The following CFAP53 variants were observed in gnomAD, a reference collection of about 807,000 sequenced individuals.
The protein encoded by CFAP53 is cilia and flagella associated protein 53, also known as cilia- and flagella-associated protein 53.
A neutral mutation model predicts 59.7 loss-of-function variants in CFAP53; 62 were observed. That is an observed-to-expected ratio of 1.04 (90% confidence interval 0.85 to 1.28). The LOEUF (loss-of-function observed/expected upper bound fraction) is 1.28, where lower values mean the gene tolerates loss of function less well. Ranked by LOEUF, CFAP53 falls within the 50% of genes most tolerant of loss-of-function variation. The pLI is 0.00. For missense variants in CFAP53, 629 were observed against 615.6 expected, an observed-to-expected ratio of 1.02 and a Z score of -0.23; for synonymous variants, 218 against 205.7, an observed-to-expected ratio of 1.06 and a Z score of -0.51.
At position 50,227,534 on chromosome 18, in the gene CFAP53, T is replaced by C; in HGVS notation, c.1392A>G (p.Ala464=). 6.2e-7 allele frequency: 1 copy of C among 1,614,248 alleles called. No individual in the cohort carries two copies. The change falls in exon 8 of 8, where the codon GCA becomes GCG. Residue 464 remains alanine, a synonymous_variant. Coordinates refer to ENST00000398545, the MANE Select transcript of CFAP53 (RefSeq NM_145020.5). The part of the protein sequence containing the change: ...QIAYQQQSQE[A]EKEEKRREFE... Reference sequence around the variant, plus strand: ...ACTCTCGGCGTTTCTCTTCCTTCTCTGCTTCTTGGGACTGCTGCTGGTAGG... The same window carrying C: ...ACTCTCGGCGTTTCTCTTCCTTCTCCGCTTCTTGGGACTGCTGCTGGTAGG...
intron 7 of CFAP53, among the ~76,000 whole-genome samples, chr18:50,231,535 G>A (rs538139978): frequency 2.0e-5 from 3 of 152,310 alleles, no homozygotes; most frequent in South Asian, 2.1e-4. Context: ...AAAGGTATCC[G>A]TGTGGAAGCA....
At chr18:50,259,414 T>A (rs1348744719) in intron 3 of CFAP53, among the ~76,000 whole-genome samples, 1 of 143,222 alleles carries the variant, frequency 7.0e-6, no homozygotes, top group Non-Finnish European at 1.5e-5. Flanking sequence ...ACAATTGAAC[T>A]CATGGAGATA....
intron 3 of CFAP53, among the ~76,000 whole-genome samples, chr18:50,259,422 A>G (rs2033871654): frequency 6.9e-6 from 1 of 144,144 alleles, no homozygotes; most frequent in Non-Finnish European, 1.5e-5. Flanking sequence ...ACTCATGGAG[A>G]TAGAGAAGGA....
Position 50,227,955 on chromosome 18 carries a change from C to CTTTTTTTTTTTTTTTTT in CFAP53, c.1317-363_1317-347dup, listed in dbSNP as rs1191228047. Among the ~76,000 whole-genome samples, 4 of 90,090 alleles carry CTTTTTTTTTTTTTTTTT rather than the reference C, an allele frequency of 4.4e-5. 1 individual carries two copies. The highest frequency in any genetic ancestry group is 7.8e-5 in the Non-Finnish European group (4 of 51,456). 59.1% of individuals were successfully genotyped at this position (90,090 alleles called of 152,430 possible). A position where few individuals can be genotyped will look rare whatever the true frequency, so the allele number is the denominator to read the frequency against. On this transcript the variant is annotated intron_variant, in intron 7 of 7. Transcript: ENST00000398545. ...CAAACTGCTCAATTCAACTTTTCTC[C>CTTTTTTTTTTTTTTTTT]TTTTTTTTTTTTTTTTTTTTTTGAG...
In CFAP53 at chr18:50,261,922, A is replaced by G. The variant is rs184587867; in HGVS notation, c.299+68T>C. 2.3e-3 allele frequency: 2,869 copies of G among 1,240,314 alleles called. 14 individuals are homozygous for G. Among genetic ancestry groups the G allele is most frequent in the Non-Finnish European group, 2.5e-3 (2,088 of 849,422 alleles). The allele number at this position is 1,240,314 out of a possible 1,614,324, so 76.8% of individuals were successfully genotyped here. ...TGATCCTTGCTAAATTTGATTTTTG[A>G]CTGGTCAATCTCAAATTGTGGTTTT... On this transcript the variant is annotated intron_variant, in intron 2 of 7. Transcript: ENST00000398545.
intron 7 of CFAP53, among the ~76,000 whole-genome samples, chr18:50,230,377 C>G (rs1463150846): frequency 1.3e-5 from 2 of 152,120 alleles, no homozygotes; most frequent in Admixed American, 1.3e-4. Flanking sequence ...AGATGAAGCT[C>G]TAAAAACTCT....
At chr18:50,261,262 A>G in intron 2 of CFAP53, 25 bp from the exon 3 acceptor site, 1 of 1,508,332 alleles carries the variant, frequency 6.6e-7, no homozygotes, top group Admixed American at 2.6e-5. Flanking sequence ...CAAAAAAAAA[A>G]AAAAAAAAAG....
At chr18:50,248,253 T>C (rs894102923) in intron 5 of CFAP53, among the ~76,000 whole-genome samples, 2 of 151,796 alleles carry the variant, frequency 1.3e-5, no homozygotes, top group Non-Finnish European at 2.9e-5. Flanking sequence ...TAGGGAAATG[T>C]AAATTAAACC....
intron 7 of CFAP53, among the ~76,000 whole-genome samples, chr18:50,229,719 T>G (rs1027952908): frequency 6.9e-6 from 1 of 145,882 alleles, no homozygotes. Context: ...TTCTTTGTAG[T>G]CTCTTTCTTT....
At position 50,237,351 on chromosome 18, in the gene CFAP53, T is replaced by TATACAC. The variant is rs67836600; in HGVS notation, c.1316+1251_1316+1252insGTGTAT. 3.7e-4 allele frequency among the ~76,000 whole-genome samples: 6 copies of TATACAC among 16,310 alleles called. 1 individual carries two copies. Among genetic ancestry groups the TATACAC allele is most frequent in the African/African-American group, 1.0e-3 (6 of 5,898 alleles). The allele number at this position is 16,310 out of a possible 152,430, so 10.7% of individuals were successfully genotyped here. On this transcript the variant is annotated intron_variant, in intron 7 of 7. Transcript: ENST00000398545. ...AAAAATATATATATATATATATATATACGCACACATATATATACACACACA... is the reference window on the plus strand; with the variant it reads ...AAAAATATATATATATATATATATATATACACACGCACACATATATATACACACACA...
intron 6 of CFAP53, among the ~76,000 whole-genome samples, chr18:50,242,214 G>A (rs763068317): frequency 1.3e-5 from 2 of 152,060 alleles, no homozygotes; most frequent in Non-Finnish European, 2.9e-5. Flanking sequence ...ATTTCATATT[G>A]TTCAAACACA....
In CFAP53 at chr18:50,251,566, C is replaced by T. The variant is rs750711182; in HGVS notation, c.692G>A (p.Arg231His). 17 of 1,614,096 alleles carry T rather than the reference C, an allele frequency of 1.1e-5. No homozygotes were observed. Among genetic ancestry groups the T allele is most frequent in the Non-Finnish European group, 1.4e-5 (17 of 1,180,056 alleles). ...GGTGATCTGGGCATTCAGCCCCAGG[C>T]GTGTGTTCTCCATCAGCTCTTTCTG... ...RRQKELMENT[R>H]LGLNAQITSI... The change falls in exon 4 of 8, where the codon CGC becomes CAC. Residue 231 changes from arginine (R) to histidine (H), a missense_variant. Transcript: ENST00000398545.
chr18:50,252,072 C>G (rs904035874), intron 3 of CFAP53, among the ~76,000 whole-genome samples: 1 of 150,970 alleles, frequency 6.6e-6, no homozygotes, highest in Non-Finnish European at 1.5e-5. Context: ...ATTCACTTGA[C>G]TTTGAGAACC....
intron 6 of CFAP53, among the ~76,000 whole-genome samples, chr18:50,241,082 T>C (rs2033685781): frequency 6.6e-6 from 1 of 152,246 alleles, no homozygotes; most frequent in Non-Finnish European, 1.5e-5. Flanking sequence ...GCTGACACTA[T>C]GTATCACTTA....
At chr18:50,234,186 G>T (rs961095402) in intron 7 of CFAP53, among the ~76,000 whole-genome samples, 3 of 152,154 alleles carry the variant, frequency 2.0e-5, no homozygotes, top group Non-Finnish European at 4.4e-5. Context: ...TACCTCTGCA[G>T]GTTTTCTCTA....
At chr18:50,242,212 T>C (rs1470754298) in intron 6 of CFAP53, among the ~76,000 whole-genome samples, 1 of 152,248 alleles carries the variant, frequency 6.6e-6, no homozygotes, top group East Asian at 1.9e-4. Flanking sequence ...TGATTTCATA[T>C]TGTTCAAACA....
chr18:50,234,630 G>T (rs2144403658), intron 7 of CFAP53, among the ~76,000 whole-genome samples: 1 of 152,084 alleles, frequency 6.6e-6, no homozygotes, highest in Admixed American at 6.5e-5. Flanking sequence ...TTCCAGCCTT[G>T]CCTATTAAAT....
chr18:50,242,128 G>C (rs1191391538), intron 6 of CFAP53, among the ~76,000 whole-genome samples: 1 of 152,198 alleles, frequency 6.6e-6, no homozygotes, highest in Admixed American at 6.5e-5. Context: ...CGACCCCGCA[G>C]GCAGTCAGAC....
intron 3 of CFAP53, among the ~76,000 whole-genome samples, chr18:50,252,294 C>T (rs1201624965): frequency 3.3e-5 from 5 of 151,954 alleles, no homozygotes; most frequent in East Asian, 1.9e-4. Context: ...TTAGTAGAGA[C>T]GGGGTTTCAC....
Sources: gnomAD v4.1 joint callset for allele counts (sites outside exome capture counted in the v4.1 genomes callset) on GRCh38, gnomAD v4.1.1 for gene constraint, MANE v1.5 for transcripts, NCBI Gene and HGNC (gene_info 2026-07-23, HGNC 2026-07-21) for gene names.